The following EML1 variants were observed in gnomAD, a reference collection of about 807,000 sequenced individuals.
EML1 encodes echinoderm microtubule-associated protein-like 1.
A neutral mutation model predicts 110.4 loss-of-function variants in EML1; 27 were observed. That is an observed-to-expected ratio of 0.24 (90% CI 0.18 to 0.34). The LOEUF is 0.34. Among genes scored for constraint, EML1 ranks in the 10% least tolerant of loss-of-function variants. EML1 has a pLI of 1.00. For synonymous variants in EML1, 344 were observed against 385.8 expected (o/e 0.89, Z 1.27); for missense variants, 741 against 1,030.9 (o/e 0.72, Z 3.85).
chr14:99,900,889 A>C (rs1323616012), intron 8 of EML1, 40 bp from the exon 9 acceptor site: 4 of 1,526,682 alleles, frequency 2.6e-6, no homozygotes, highest in Non-Finnish European at 3.6e-6. Context: ...CATGTGTATC[A>C]CCATCACAAT....
chr14:99,841,790 T>C (rs140737434), intron 1 of EML1, among the ~76,000 whole-genome samples: 396 of 152,270 alleles, frequency 2.6e-3, no homozygotes, highest in Non-Finnish European at 4.9e-3. Flanking sequence ...AGAGTCAGCA[T>C]GTGCTGCGAG....
At position 99,940,838 on chromosome 14, in the gene EML1, C is replaced by G. The variant is rs2060576524; in HGVS notation, c.*726C>G. The stretch of plus-strand genomic sequence containing the variant: ...CCCACCTGGCTTGCATCCCCCATCC[C>G]TTGTTCACACGCCCTGATTCACGGT... On this transcript the variant is annotated 3_prime_UTR_variant, in exon 22 of 22. Transcript: ENST00000262233. The G allele has an allele frequency of 6.6e-6, 1 of 152,274 alleles. No homozygotes were observed. 9.4% of individuals were successfully genotyped at this position (152,274 alleles called of 1,614,324 possible). A position where few individuals can be genotyped will look rare whatever the true frequency, so the allele number is the denominator to read the frequency against.
chr14:99,874,402 A>C (rs1161125907), intron 3 of EML1, among the ~76,000 whole-genome samples: 1 of 152,232 alleles, frequency 6.6e-6, no homozygotes, highest in Non-Finnish European at 1.5e-5. Context: ...ATACTGCATT[A>C]TTGCACAGTC....
intron 1 of EML1, among the ~76,000 whole-genome samples, chr14:99,765,974 G>A (rs1336106708): frequency 6.6e-6 from 1 of 152,042 alleles, no homozygotes; most frequent in Non-Finnish European, 1.5e-5. Context: ...ACACATTCAT[G>A]GCTAACGATT....
chr14:99,808,112 A>G (rs941550415), intron 1 of EML1, among the ~76,000 whole-genome samples: 1 of 152,066 alleles, frequency 6.6e-6, no homozygotes, highest in Non-Finnish European at 1.5e-5. Flanking sequence ...GAATTATGAT[A>G]CATACCCCTC....
In EML1 at chr14:99,810,746, G is replaced by T. The variant is rs117806634; in HGVS notation, c.67+17203G>T. Among the ~76,000 whole-genome samples the T allele has an allele frequency of 8.8e-3, 1,346 of 152,244 alleles. 10 individuals are homozygous for T. The highest frequency in any genetic ancestry group is 0.014 in the Non-Finnish European group (973 of 68,014). On this transcript the variant is annotated intron_variant, in intron 1 of 21. Coordinates refer to ENST00000262233, the MANE Select transcript of EML1 (RefSeq NM_004434.3). ...GAAATAATCTATGTGACTGCTTTGT[G>T]AATTGTGAAACTCAATCTGGTGACT...
At chr14:99,899,186 A>G (rs1268799350) in intron 8 of EML1, among the ~76,000 whole-genome samples, 2 of 63,186 alleles carry the variant, frequency 3.2e-5, no homozygotes, top group Admixed American at 2.1e-4. Flanking sequence ...ATAATATTTT[A>G]TCTGAAACTA....
chr14:99,815,653 C>G (rs2058155649), intron 1 of EML1, among the ~76,000 whole-genome samples: 1 of 152,104 alleles, frequency 6.6e-6, no homozygotes, highest in South Asian at 2.1e-4. Context: ...TAAATACTTT[C>G]TGCATTCTAG....
intron 1 of EML1, among the ~76,000 whole-genome samples, chr14:99,822,273 C>T (rs2058277176): frequency 6.6e-6 from 1 of 152,102 alleles, no homozygotes; most frequent in African/African-American, 2.4e-5. Context: ...AATGCAGGCA[C>T]TATATATGAG....
At chr14:99,871,101 C>T (rs2059193959) in intron 3 of EML1, among the ~76,000 whole-genome samples, 1 of 152,092 alleles carries the variant, frequency 6.6e-6, no homozygotes, top group Non-Finnish European at 1.5e-5. Flanking sequence ...GGATTACAGG[C>T]GCACACCACC....
intron 2 of EML1, among the ~76,000 whole-genome samples, chr14:99,859,857 G>A (rs529707161): frequency 2.1e-4 from 32 of 152,278 alleles, no homozygotes; most frequent in African/African-American, 7.5e-4. Flanking sequence ...TGCACCCATT[G>A]TCCACAACAG....
intron 3 of EML1, among the ~76,000 whole-genome samples, chr14:99,866,598 A>G (rs987757593): frequency 1.4e-5 from 2 of 143,748 alleles, no homozygotes; most frequent in Admixed American, 6.9e-5. Flanking sequence ...AAAAAAAAAG[A>G]GTTCAGTAGT....
chr14:99,831,285 T>A (rs945077213), intron 1 of EML1, among the ~76,000 whole-genome samples: 6 of 151,914 alleles, frequency 3.9e-5, no homozygotes, highest in African/African-American at 1.5e-4. Context: ...TTCCGCAAAA[T>A]GATTCCATTG....
Position 99,857,163 on chromosome 14 carries a change from G to A in EML1, c.250+6128G>A, listed in dbSNP as rs565102410. Reference sequence around the variant, plus strand: ...GGCGTGAACCTGTAGCCCCAGCTATGCTGGTGGCCAAGGCAGGAGGATCAC... The same window carrying A: ...GGCGTGAACCTGTAGCCCCAGCTATACTGGTGGCCAAGGCAGGAGGATCAC... On this transcript the variant is annotated intron_variant, in intron 2 of 21. Transcript: ENST00000262233. 2.6e-5 allele frequency among the ~76,000 whole-genome samples: 4 copies of A among 152,052 alleles called. No individual in the cohort carries two copies. In the South Asian group the frequency reaches 8.3e-4, roughly 32 times the overall value.
At chr14:99,937,144 GAGGACCAGGACAGGC>G (rs898577096) in intron 19 of EML1, among the ~76,000 whole-genome samples, 1 of 152,238 alleles carries the variant, frequency 6.6e-6, no homozygotes, top group Non-Finnish European at 1.5e-5. Context: ...CCCACTTGTT[GAGGACCAGGACAGGC>G]AGGACCACTG....
chr14:99,834,304 GT>G (rs2058504832), intron 1 of EML1, among the ~76,000 whole-genome samples: 1 of 106,456 alleles, frequency 9.4e-6, no homozygotes, highest in South Asian at 3.3e-4. Context: ...TTTTAAGAAT[GT>G]TTCCTTTTTT....
At chr14:99,816,237 C>T (rs2058165293) in intron 1 of EML1, among the ~76,000 whole-genome samples, 1 of 152,196 alleles carries the variant, frequency 6.6e-6, no homozygotes, top group African/African-American at 2.4e-5. Context: ...GATCTTGGCT[C>T]ACTGCAACCT....
At position 99,936,316 on chromosome 14, in the gene EML1, G is replaced by C. The variant is rs1161726419; in HGVS notation, c.2077G>C (p.Asp693His). ...NSQFLVSNSG[D>H]YEILYWVPSA... ...ACAGTTCCTCGTGTCAAATTCCGGA[G>C]ACTACGAAATCCTCTACTGTGAGTA... is the stretch of plus-strand genomic sequence containing the variant. The change falls in exon 19 of 22, where the codon GAC (aspartate) becomes CAC (histidine). Residue 693 changes from aspartate (D) to histidine (H), a missense_variant. Physicochemically the swap from Asp to His is moderately conservative, Grantham distance 81 (BLOSUM62 -1). Coordinates refer to ENST00000262233, the MANE Select transcript of EML1 (RefSeq NM_004434.3). The surrounding 1 kb of genome is among the most constrained non-coding windows in gnomAD (Gnocchi z 5.5). 6.2e-7 allele frequency: 1 copy of C among 1,613,466 alleles called. No individual in the cohort carries two copies.
At chr14:99,807,136 G>C (rs1595310742) in intron 1 of EML1, among the ~76,000 whole-genome samples, 1 of 152,096 alleles carries the variant, frequency 6.6e-6, no homozygotes, top group Non-Finnish European at 1.5e-5. Context: ...GGCTGCACAC[G>C]TGCAGACGAA....
Sources: allele counts gnomAD v4.1 joint callset (sites outside exome capture counted in the v4.1 genomes callset), GRCh38; gene constraint gnomAD v4.1.1; non-coding constraint Gnocchi (gnomAD v3.1); transcripts MANE v1.5; gene names NCBI Gene and HGNC (gene_info 2026-07-23, HGNC 2026-07-21).